Variants in CNTNAP2 observed in about 807,000 individuals in gnomAD.
The protein encoded by CNTNAP2 is contactin associated protein 2, also known as contactin-associated protein-like 2.
In CNTNAP2, 98 loss-of-function variants were observed where a neutral mutation model predicts 155.2. That is an observed-to-expected ratio of 0.63 (90% CI 0.54 to 0.75). The LOEUF is 0.75. CNTNAP2 is among the 30% of genes least tolerant of loss of function. CNTNAP2 has a pLI of 0.00. For synonymous variants in CNTNAP2, 651 were observed against 631.2 expected (o/e 1.03, Z -0.47); for missense variants, 1,727 against 1,688.1 (o/e 1.02, Z -0.40).
intron 1 of CNTNAP2, among the ~76,000 whole-genome samples, chr7:146,587,072 A>G (rs114486325): frequency 6.6e-6 from 1 of 151,070 alleles, no homozygotes; most frequent in African/African-American, 2.4e-5. Flanking sequence ...CTTCATTTAT[A>G]GTTTTACATT....
chr7:146,201,159 A>G (rs1160903867), intron 1 of CNTNAP2, among the ~76,000 whole-genome samples: 1 of 152,162 alleles, frequency 6.6e-6, no homozygotes, highest in East Asian at 1.9e-4. Flanking sequence ...TATGGTATCA[A>G]TGAGTGAGAA....
chr7:147,974,574 G>C (rs987433940), intron 14 of CNTNAP2, among the ~76,000 whole-genome samples: 8 of 152,108 alleles, frequency 5.3e-5, no homozygotes, highest in African/African-American at 1.9e-4. Flanking sequence ...GCAGTGAGTC[G>C]AGATCGTGCC....
intron 21 of CNTNAP2, among the ~76,000 whole-genome samples, chr7:148,297,545 G>A (rs561195009): frequency 6.6e-6 from 1 of 152,280 alleles, no homozygotes; most frequent in South Asian, 2.1e-4. Flanking sequence ...CTGGAAAGAG[G>A]GTGCTAGAAA....
At chr7:147,766,695 G>T (rs1452433257) in intron 13 of CNTNAP2, among the ~76,000 whole-genome samples, 1 of 151,984 alleles carries the variant, frequency 6.6e-6, no homozygotes, top group Admixed American at 6.6e-5. Flanking sequence ...TTCGTATTAG[G>T]TCTCTGTTCA....
chr7:146,986,186 G>C (rs190895875), intron 3 of CNTNAP2, among the ~76,000 whole-genome samples: 190 of 152,086 alleles, frequency 1.2e-3, no homozygotes, highest in African/African-American at 4.0e-3. Flanking sequence ...CCTAAAGTCC[G>C]TTGTGTCATT....
chr7:147,289,726 T>G lies in CNTNAP2; in HGVS notation c.1349-10415T>G, dbSNP rs1805259724. Among the ~76,000 whole-genome samples the G allele has an allele frequency of 2.0e-5, 3 of 152,332 alleles. No individual in the cohort carries two copies. In the South Asian group the frequency reaches 6.2e-4, roughly 32 times the overall value. On this transcript the variant is annotated intron_variant, in intron 8 of 23. Coordinates refer to ENST00000361727, the MANE Select transcript of CNTNAP2 (RefSeq NM_014141.6). ...GAAAAAGCTACCAAAATTTTTTTCA[T>G]GAACATTTAGTCTTGGGGTAGTTAT...
chr7:146,306,395 T>C (rs1356472705), intron 1 of CNTNAP2, among the ~76,000 whole-genome samples: 3 of 152,124 alleles, frequency 2.0e-5, no homozygotes, highest in Non-Finnish European at 4.4e-5. Flanking sequence ...AATTCATTTT[T>C]TGAGGCCAAC....
intron 15 of CNTNAP2, among the ~76,000 whole-genome samples, chr7:148,058,590 T>C (rs1585102515): frequency 6.6e-6 from 1 of 152,096 alleles, no homozygotes; most frequent in East Asian, 1.9e-4. Context: ...AAATGGAGCA[T>C]GCACAACCAG....
intron 8 of CNTNAP2, among the ~76,000 whole-genome samples, chr7:147,213,967 A>G (rs1214629022): frequency 6.6e-6 from 1 of 152,088 alleles, no homozygotes; most frequent in Non-Finnish European, 1.5e-5. Flanking sequence ...TCGTCCTCAG[A>G]TGATTGAATG....
intron 8 of CNTNAP2, among the ~76,000 whole-genome samples, chr7:147,297,526 C>T (rs1445415679): frequency 6.6e-6 from 1 of 152,104 alleles, no homozygotes; most frequent in Admixed American, 6.6e-5. Context: ...GGAAAGACCA[C>T]CTCTCTCTTA....
At chr7:146,513,598 A>T (rs1444679489) in intron 1 of CNTNAP2, among the ~76,000 whole-genome samples, 1 of 151,964 alleles carries the variant, frequency 6.6e-6, no homozygotes, top group Admixed American at 6.6e-5. Context: ...TCATCCCCCC[A>T]GCATATTGAC....
intron 10 of CNTNAP2, among the ~76,000 whole-genome samples, chr7:147,412,835 C>A (rs1339923946): frequency 6.6e-6 from 1 of 152,120 alleles, no homozygotes; most frequent in Admixed American, 6.6e-5. Context: ...TAAACTAAGG[C>A]ATGTGACACA....
chr7:147,475,275 T>A (rs1033117993), intron 10 of CNTNAP2, among the ~76,000 whole-genome samples: 1 of 152,224 alleles, frequency 6.6e-6, no homozygotes, highest in South Asian at 2.1e-4. Flanking sequence ...GGTCTCAATA[T>A]ATGCACATTT....
chr7:147,446,441 A>G (rs1797741435), intron 10 of CNTNAP2, among the ~76,000 whole-genome samples: 1 of 152,186 alleles, frequency 6.6e-6, no homozygotes. Context: ...TTTTTGGGTT[A>G]TCTGGGGCCA....
chr7:148,124,387 A>T (rs756504624), intron 16 of CNTNAP2, among the ~76,000 whole-genome samples: 1 of 152,164 alleles, frequency 6.6e-6, no homozygotes, highest in African/African-American at 2.4e-5. Flanking sequence ...ACAACCATGG[A>T]TCTGTCCATG....
In CNTNAP2 at chr7:148,417,805, C is replaced by T. The variant is rs1411748072; in HGVS notation, c.*2189C>T. On this transcript the variant is annotated 3_prime_UTR_variant, in exon 24 of 24. Coordinates refer to ENST00000361727, the MANE Select transcript of CNTNAP2 (RefSeq NM_014141.6). ...CTCTGTTCTTTATGCATTGTCTCAA[C>T]ACTTTCCCTTTTTTCCCAAAATGAG... is the stretch of plus-strand genomic sequence containing the variant. 3 of 152,232 alleles carry T rather than the reference C, an allele frequency of 2.0e-5. No homozygotes were observed. The highest frequency in any genetic ancestry group is 7.2e-5 in the African/African-American group (3 of 41,460). 9.4% of individuals were successfully genotyped at this position (152,232 alleles called of 1,614,324 possible). A position where few individuals can be genotyped will look rare whatever the true frequency, so the allele number is the denominator to read the frequency against.
At chr7:146,919,978 T>C (rs1218078019) in intron 3 of CNTNAP2, among the ~76,000 whole-genome samples, 1 of 152,208 alleles carries the variant, frequency 6.6e-6, no homozygotes, top group African/African-American at 2.4e-5. Flanking sequence ...TCCTCCATTC[T>C]CAACATATGG....
intron 19 of CNTNAP2, among the ~76,000 whole-genome samples, chr7:148,228,701 G>A (rs941714603): frequency 8.0e-6 from 1 of 125,204 alleles, no homozygotes; most frequent in African/African-American, 2.9e-5. Context: ...GGTAGCGTGC[G>A]CCTGTAGTCC....
chr7:147,898,874 G>C (rs1363572316), intron 13 of CNTNAP2, among the ~76,000 whole-genome samples: 1 of 152,162 alleles, frequency 6.6e-6, no homozygotes, highest in Non-Finnish European at 1.5e-5. Context: ...ACCTCTGTTA[G>C]ATTCCACTCA....
Sources: gnomAD v4.1 joint callset for allele counts (sites outside exome capture counted in the v4.1 genomes callset) on GRCh38, gnomAD v4.1.1 for gene constraint, MANE v1.5 for transcripts, NCBI Gene and HGNC (gene_info 2026-07-23, HGNC 2026-07-21) for gene names.